PTPRQ: variants seen among roughly 807,000 people sequenced by gnomAD.
PTPRQ encodes the protein protein tyrosine phosphatase receptor type Q, also known as phosphatidylinositol phosphatase PTPRQ.
A neutral mutation model predicts 246.0 loss-of-function variants in PTPRQ; 199 were observed. That is an observed-to-expected ratio of 0.81 (90% CI 0.72 to 0.91). The LOEUF (loss-of-function observed/expected upper bound fraction) is 0.91. Ranked by LOEUF, PTPRQ falls within the 40% of genes least tolerant of loss-of-function variation. The pLI, the probability that PTPRQ is intolerant of heterozygous loss-of-function variation, is 0.00. For missense variants in PTPRQ, 2,624 were observed against 2,528.4 expected, an observed-to-expected ratio of 1.04 and a Z score of -0.81; for synonymous variants, 869 against 853.2, an observed-to-expected ratio of 1.02 and a Z score of -0.32.
rs181019295 is a variant in PTPRQ, at chr12:80,449,984, G to A, written c.390+4267G>A. Among the ~76,000 whole-genome samples the A allele has an allele frequency of 8.1e-3, 1,232 of 152,224 alleles. 9 individuals are homozygous for A. Among genetic ancestry groups the A allele is most frequent in the Middle Eastern group, 0.02 (6 of 294 alleles). ...CCTTGGGCAGTATGGTCATTTTCACGATATTCATTCTTCCTACCCATGAGC... is the reference window on the plus strand; with the variant it reads ...CCTTGGGCAGTATGGTCATTTTCACAATATTCATTCTTCCTACCCATGAGC... On this transcript the variant is annotated intron_variant, in intron 3 of 44. Transcript: ENST00000644991.
intron 17 of PTPRQ, chr12:80,512,545 A>G (rs949142708): frequency 5.3e-5 from 8 of 152,158 alleles, no homozygotes; most frequent in Non-Finnish European, 8.8e-5. Context: ...ACATTACACC[A>G]CCTCTTAAGA....
At chr12:80,571,738 A>G (rs943670333) in intron 25 of PTPRQ, among the ~76,000 whole-genome samples, 3 of 152,042 alleles carry the variant, frequency 2.0e-5, no homozygotes, top group African/African-American at 7.2e-5. Context: ...TTGTACATTT[A>G]TCAAAACATT....
At chr12:80,456,596 G>T (rs1220349216) in intron 3 of PTPRQ, among the ~76,000 whole-genome samples, 4 of 152,062 alleles carry the variant, frequency 2.6e-5, no homozygotes, top group Non-Finnish European at 5.9e-5. Context: ...TATTTTTATG[G>T]AGCTTGAATT....
intron 25 of PTPRQ, among the ~76,000 whole-genome samples, chr12:80,580,962 C>T (rs1897415910): frequency 6.6e-6 from 1 of 152,170 alleles, no homozygotes; most frequent in Non-Finnish European, 1.5e-5. Context: ...TTGGAGAATA[C>T]TAGAGTCTGT....
Position 80,678,668 on chromosome 12 carries a change from A to G in PTPRQ, c.6805A>G (p.Ile2269Val), listed in dbSNP as rs1901221584. ...ATCAAATAAGGGAAGTAATCAGCCC[A>G]TCTGTTTTGTTAACTATTCAGCACT... The part of the protein sequence containing the change: ...LLSNKGSNQP[I>V]CFVNYSALQK... The change falls in exon 44 of 45, where the codon ATC (isoleucine) becomes GTC (valine). Residue 2269 changes from isoleucine (I) to valine (V), a missense_variant. Ile to Val is a conservative substitution (Grantham distance 29). Coordinates refer to ENST00000644991, the MANE Select transcript of PTPRQ (RefSeq NM_001145026.2). 2 of 1,550,532 alleles carry G rather than the reference A, an allele frequency of 1.3e-6. No individual in the cohort carries two copies. The highest frequency in any genetic ancestry group is 1.4e-5 in the African/African-American group (1 of 73,138).
intron 30 of PTPRQ, 34 bp from the exon 31 acceptor site, chr12:80,619,350 A>G (rs1158725696): frequency 2.6e-6 from 4 of 1,537,944 alleles, no homozygotes; most frequent in East Asian, 2.5e-5. Flanking sequence ...AAACAATAAC[A>G]TCAATTGCAG....
rs1273767198 is a variant in PTPRQ, at chr12:80,468,852, G to T, written c.1039+14G>T. 1 of 1,541,922 alleles carries T rather than the reference G, an allele frequency of 6.5e-7. No homozygotes were observed. Among genetic ancestry groups the T allele is most frequent in the East Asian group, 2.5e-5 (1 of 40,456 alleles). On this transcript the variant is annotated intron_variant, in intron 7 of 44. Coordinates refer to ENST00000644991, the MANE Select transcript of PTPRQ (RefSeq NM_001145026.2). ...ATGGACCATCAGGTAAGCCTTAATT[G>T]GTTTTGTGTTTGCCTTTTGGAGTGA... is the stretch of plus-strand genomic sequence containing the variant.
At chr12:80,454,496 A>T (rs145543871) in intron 3 of PTPRQ, 1 of 702,358 alleles carries the variant, frequency 1.4e-6, no homozygotes, top group South Asian at 1.5e-5. Flanking sequence ...TAGGCCTTCC[A>T]GTACTGTGTT....
At chr12:80,507,985 G>A (rs1267895771) in intron 16 of PTPRQ, among the ~76,000 whole-genome samples, 1 of 151,850 alleles carries the variant, frequency 6.6e-6, no homozygotes, top group Non-Finnish European at 1.5e-5. Context: ...GTTCCTAATG[G>A]TAAGAATTTG....
intron 28 of PTPRQ, 129 bp downstream of exon 28, chr12:80,610,754 A>G: frequency 8.9e-7 from 1 of 1,127,986 alleles, no homozygotes; most frequent in Non-Finnish European, 1.2e-6. Context: ...CAAAAAAATT[A>G]GTGACTCTCT....
chr12:80,645,241 A>G (rs1334529255), intron 35 of PTPRQ, among the ~76,000 whole-genome samples: 1 of 152,100 alleles, frequency 6.6e-6, no homozygotes. Flanking sequence ...ACTTCCTAAC[A>G]AAGTACACCT....
Position 80,588,102 on chromosome 12 carries a change from CTTTTAATTTTTCCCTTTAATTTTTAG to C in PTPRQ, c.4286-24_4287del, listed in dbSNP as rs1327814414. 6.7e-7 allele frequency: 1 copy of C among 1,489,926 alleles called. No individual in the cohort carries two copies. Among genetic ancestry groups the C allele is most frequent in the Admixed American group, 2.4e-5 (1 of 40,966 alleles). The allele number at this position is 1,489,926 out of a possible 1,614,324, so 92.3% of individuals were successfully genotyped here. On this transcript the variant is annotated splice_acceptor_variant and splice_polypyrimidine_tract_variant and intron_variant, in intron 25 of 44. Transcript: ENST00000644991. LOFTEE classifies it high-confidence loss of function. Reference sequence around the variant, plus strand: ...ATGAAGTGTTTGGTAATTGTAACTGCTTTTAATTTTTCCCTTTAATTTTTAGTTCCCAGTGTTCCCACAAATATTGC... The same window carrying C: ...ATGAAGTGTTTGGTAATTGTAACTGCTTCCCAGTGTTCCCACAAATATTGC...
chr12:80,541,220 A>T (rs1592632458), intron 20 of PTPRQ, among the ~76,000 whole-genome samples: 1 of 152,060 alleles, frequency 6.6e-6, no homozygotes, highest in East Asian at 1.9e-4. Flanking sequence ...AACATAAATT[A>T]TCAAAATATT....
intron 25 of PTPRQ, among the ~76,000 whole-genome samples, chr12:80,571,627 G>T (rs1261052632): frequency 6.6e-6 from 1 of 151,818 alleles, no homozygotes; most frequent in African/African-American, 2.4e-5. Context: ...AATATCCTGG[G>T]TTTTATTCTA....
intron 3 of PTPRQ, among the ~76,000 whole-genome samples, chr12:80,452,387 G>A (rs1170750037): frequency 6.6e-6 from 1 of 152,162 alleles, no homozygotes; most frequent in Non-Finnish European, 1.5e-5. Flanking sequence ...ATTGTTATGT[G>A]TGAATTTGAT....
At chr12:80,519,927 A>G (rs1895419189) in intron 17 of PTPRQ, among the ~76,000 whole-genome samples, 1 of 151,990 alleles carries the variant, frequency 6.6e-6, no homozygotes, top group Non-Finnish European at 1.5e-5. Context: ...GTGAGCTACA[A>G]TTGTTTTAAT....
At chr12:80,495,440 C>T in intron 12 of PTPRQ, 69 bp downstream of exon 12, 1 of 1,456,716 alleles carries the variant, frequency 6.9e-7, no homozygotes. Flanking sequence ...GAAAATATGC[C>T]CATCTCCCTG....
At chr12:80,465,854 C>G (rs902052184) in intron 6 of PTPRQ, among the ~76,000 whole-genome samples, 2 of 152,122 alleles carry the variant, frequency 1.3e-5, no homozygotes, top group Non-Finnish European at 2.9e-5. Context: ...TGGGACGTAT[C>G]TCAAAATAAT....
At chr12:80,528,315 C>A (rs1895749913) in intron 17 of PTPRQ, among the ~76,000 whole-genome samples, 1 of 152,062 alleles carries the variant, frequency 6.6e-6, no homozygotes. Flanking sequence ...AATTTTGGAG[C>A]CCTAATGGGA....
Sources: allele counts gnomAD v4.1 joint callset (sites outside exome capture counted in the v4.1 genomes callset), GRCh38; gene constraint gnomAD v4.1.1; transcripts MANE v1.5; gene names NCBI Gene and HGNC (gene_info 2026-07-23, HGNC 2026-07-21).